Variants in ZSCAN5A observed in about 807,000 individuals in gnomAD.
ZSCAN5A encodes the protein zinc finger and SCAN domain containing 5A, also known as zinc finger and SCAN domain-containing protein 5A.
ZSCAN5A carries 12 observed loss-of-function variants against 23.7 expected under a neutral mutation model. That is an observed-to-expected ratio of 0.51 (90% CI 0.32 to 0.82). The LOEUF (loss-of-function observed/expected upper bound fraction) is 0.82, where lower values mean the gene tolerates loss of function less well. ZSCAN5A is among the 40% of genes least tolerant of loss of function. The probability of loss-of-function intolerance (pLI) is 0.03; values close to 1 mark genes in which losing one functional copy is unlikely to be tolerated. For missense variants in ZSCAN5A, 597 were observed against 617.9 expected (o/e 0.97, Z 0.36); for synonymous variants, 257 against 239.9 (o/e 1.07, Z -0.66).
At chr19:56,349,261 A>G (rs1212632512) in intron 2 of ZSCAN5A, among the ~76,000 whole-genome samples, 1 of 152,112 alleles carries the variant, frequency 6.6e-6, no homozygotes, top group African/African-American at 2.4e-5. Context: ...AGGGCCCTAC[A>G]CTGTTGTTCT....
chr19:56,300,865 T>C (rs1031649481), intron 2 of ZSCAN5A, among the ~76,000 whole-genome samples: 1 of 152,190 alleles, frequency 6.6e-6, no homozygotes, highest in African/African-American at 2.4e-5. Flanking sequence ...GGAAAAATGT[T>C]ACACAGGCGA....
At chr19:56,242,848 G>A (rs138171147) in intron 2 of ZSCAN5A, among the ~76,000 whole-genome samples, 73 of 152,120 alleles carry the variant, frequency 4.8e-4, no homozygotes, top group Non-Finnish European at 8.1e-4. Flanking sequence ...GCGTGATGTC[G>A]GCTCACTACA....
chr19:56,326,783 A>G (rs1402562368), intron 2 of ZSCAN5A, among the ~76,000 whole-genome samples: 2 of 152,138 alleles, frequency 1.3e-5, no homozygotes, highest in East Asian at 1.9e-4. Flanking sequence ...ATGGGCCCTA[A>G]TATGCAACAT....
intron 2 of ZSCAN5A, among the ~76,000 whole-genome samples, chr19:56,271,954 T>A (rs539529628): frequency 2.6e-5 from 4 of 152,342 alleles, no homozygotes; most frequent in African/African-American, 9.6e-5. Context: ...CTGTGGCTGC[T>A]ATGAAAAATT....
chr19:56,287,331 C>G (rs193283327), intron 2 of ZSCAN5A, among the ~76,000 whole-genome samples: 2 of 152,362 alleles, frequency 1.3e-5, no homozygotes, highest in Non-Finnish European at 2.9e-5. Context: ...ATGTCAGGAA[C>G]AGTCAGTCCA....
At chr19:56,245,867 T>C (rs2035847607) in intron 2 of ZSCAN5A, among the ~76,000 whole-genome samples, 1 of 152,018 alleles carries the variant, frequency 6.6e-6, no homozygotes, top group Non-Finnish European at 1.5e-5. Flanking sequence ...TTGTGTGTCA[T>C]TGTAGGGGGT....
At chr19:56,247,192 GT>G in intron 2 of ZSCAN5A, 1 of 559,778 alleles carries the variant, frequency 1.8e-6, no homozygotes, top group Non-Finnish European at 3.3e-6. Context: ...AGACCTCCGC[GT>G]CCACCAGCGA....
chr19:56,304,989 C>T (rs1376529927), intron 2 of ZSCAN5A, among the ~76,000 whole-genome samples: 1 of 152,128 alleles, frequency 6.6e-6, no homozygotes, highest in African/African-American at 2.4e-5. Flanking sequence ...GTTCGTCACC[C>T]TTACTTGCAA....
In ZSCAN5A at chr19:56,230,964, G is replaced by A. The variant is rs114395880; in HGVS notation, c.-127-5791C>T. 6.4e-3 allele frequency among the ~76,000 whole-genome samples: 980 copies of A among 152,230 alleles called. 9 individuals carry two copies. The highest frequency in any genetic ancestry group is 0.023 in the African/African-American group (935 of 41,522). ...TGTACTGAAAGTGACAATCAGAATGGTGTGTGAATATTCCTCAGTAACGTA... is the reference window on the plus strand; with the variant it reads ...TGTACTGAAAGTGACAATCAGAATGATGTGTGAATATTCCTCAGTAACGTA... On this transcript the variant is annotated intron_variant, in intron 2 of 5. Coordinates refer to ENST00000683990, the MANE Select transcript of ZSCAN5A (RefSeq NM_001322064.3).
intron 2 of ZSCAN5A, among the ~76,000 whole-genome samples, chr19:56,344,949 CAA>C (rs2041622159): frequency 9.6e-6 from 1 of 104,114 alleles, no homozygotes; most frequent in East Asian, 2.7e-4. Context: ...AAAAAAGATA[CAA>C]AAAATTAGCC....
At chr19:56,329,720 T>C (rs1206522316) in intron 2 of ZSCAN5A, among the ~76,000 whole-genome samples, 1 of 152,186 alleles carries the variant, frequency 6.6e-6, no homozygotes, top group Non-Finnish European at 1.5e-5. Context: ...GATAATTTAC[T>C]TTCTCACATC....
chr19:56,245,732 C>A (rs2035832970), intron 2 of ZSCAN5A, among the ~76,000 whole-genome samples: 1 of 152,210 alleles, frequency 6.6e-6, no homozygotes, highest in African/African-American at 2.4e-5. Flanking sequence ...TCCTCAAAGA[C>A]ATTTAATGTC....
intron 2 of ZSCAN5A, among the ~76,000 whole-genome samples, chr19:56,308,027 C>T (rs2040807470): frequency 6.6e-6 from 1 of 152,200 alleles, no homozygotes; most frequent in South Asian, 2.1e-4. Context: ...CATTCCATCC[C>T]CTGTCCATAT....
Position 56,342,662 on chromosome 19 carries a change from C to T in ZSCAN5A, c.-358+20573G>A. 10 of 550,982 alleles carry T rather than the reference C, an allele frequency of 1.8e-5. No homozygotes were observed. In the South Asian group the frequency reaches 2.0e-4, roughly 11 times the overall value. The allele number at this position is 550,982 out of a possible 1,614,324, so 34.1% of individuals were successfully genotyped here. On this transcript the variant is annotated intron_variant, in intron 2 of 6. Coordinates refer to the ZSCAN5A transcript ENST00000587340. ...GGAAAAAGGGATCTTGACCTCCTGC[C>T]AGTAGGAGTCCCCACGGGTGAACAT... is the stretch of plus-strand genomic sequence containing the variant.
rs2039962005 is a variant in ZSCAN5A at position 56,297,565 on chromosome 19, TA to T, written c.-128+15717del. The T allele has an allele frequency of 5.1e-6, 5 of 974,828 alleles. No homozygotes were observed. The African/African-American group carries it at 8.8e-5, about 17-fold the overall frequency. 60.4% of individuals were successfully genotyped at this position (974,828 alleles called of 1,614,324 possible). On this transcript the variant is annotated intron_variant, in intron 2 of 5. Transcript: ENST00000683990. ...TTGGGGTCGTACCATTCCTCATCTA[TA>T]AGACAGTGTGTCCCTTCTGTCTGGG...
At chr19:56,278,204 A>G (rs2038412785) in intron 2 of ZSCAN5A, among the ~76,000 whole-genome samples, 1 of 151,694 alleles carries the variant, frequency 6.6e-6, no homozygotes, top group Non-Finnish European at 1.5e-5. Context: ...TCGCCATGAC[A>G]TCTGCCTCCT....
intron 2 of ZSCAN5A, among the ~76,000 whole-genome samples, chr19:56,261,210 A>C (rs2037106390): frequency 6.6e-6 from 1 of 151,946 alleles, no homozygotes; most frequent in Non-Finnish European, 1.5e-5. Flanking sequence ...TCTCAAAAAA[A>C]AAAAAGAAAA....
intron 2 of ZSCAN5A, among the ~76,000 whole-genome samples, chr19:56,249,031 C>T (rs954332586): frequency 2.0e-5 from 3 of 152,070 alleles, no homozygotes; most frequent in Non-Finnish European, 2.9e-5. Context: ...ATCCTCTCTG[C>T]TCTGCCTATT....
At chr19:56,301,566 C>G (rs2040233658) in intron 2 of ZSCAN5A, among the ~76,000 whole-genome samples, 1 of 152,132 alleles carries the variant, frequency 6.6e-6, no homozygotes, top group Non-Finnish European at 1.5e-5. Flanking sequence ...TTGTGCCAAC[C>G]TCCTATTGTC....
Sources: gnomAD v4.1 joint callset for allele counts (sites outside exome capture counted in the v4.1 genomes callset) on GRCh38, gnomAD v4.1.1 for gene constraint, MANE v1.5 for transcripts, NCBI Gene and HGNC (gene_info 2026-07-23, HGNC 2026-07-21) for gene names.